LLGL2: variants seen among roughly 807,000 people sequenced by gnomAD.
LLGL2 encodes the protein LLGL scribble cell polarity complex component 2.
Under a neutral mutation model 123.2 loss-of-function variants are expected in LLGL2, and 81 were observed. The observed-to-expected ratio is 0.66, with a 90% confidence interval of 0.55 to 0.79. The LOEUF (loss-of-function observed/expected upper bound fraction) is 0.79. Ranked by LOEUF, LLGL2 falls within the 30% of genes least tolerant of loss-of-function variation. The probability of loss-of-function intolerance (pLI) is 0.00; values close to 1 mark genes in which losing one functional copy is unlikely to be tolerated. For missense variants in LLGL2, 1,273 were observed against 1,414.6 expected (o/e 0.90, Z 1.61); for synonymous variants, 577 against 594.1 (o/e 0.97, Z 0.42).
chr17:75,531,243 G>A (rs919246249), intron 1 of LLGL2, among the ~76,000 whole-genome samples: 6 of 152,188 alleles, frequency 3.9e-5, no homozygotes, highest in Non-Finnish European at 8.8e-5. Context: ...GGAAGACGAA[G>A]TGCTGCCTGG....
Position 75,556,046 on chromosome 17 carries a change from A to G in LLGL2, c.76A>G (p.Thr26Ala), listed in dbSNP as rs2054898296. The change falls in exon 3 of 26, where the codon ACG (threonine) becomes GCG (alanine). Residue 26 changes from threonine to alanine, a missense_variant and splice_region_variant. Transcript: ENST00000392550. ...LKRDLFQFNK[T>A]VEHGFPHQPS... ...CCACCCCACGTGCTTCTCGTTGCAG[A>G]CGGTGGAGCATGGCTTCCCGCACCA... is the stretch of plus-strand genomic sequence containing the variant. The G allele has an allele frequency of 6.2e-7, 1 of 1,608,098 alleles. No individual in the cohort carries two copies. Among genetic ancestry groups the G allele is most frequent in the Non-Finnish European group, 8.5e-7 (1 of 1,179,732 alleles).
intron 1 of LLGL2, 148 bp from the exon 2 acceptor site, chr17:75,543,249 G>A: frequency 5.9e-6 from 3 of 506,518 alleles, no homozygotes; most frequent in Non-Finnish European, 3.5e-6. Flanking sequence ...AAGCCAGGGT[G>A]CATGGGCGGT....
chr17:75,542,325 G>T (rs1233981031), intron 1 of LLGL2, among the ~76,000 whole-genome samples: 3 of 152,102 alleles, frequency 2.0e-5, no homozygotes, highest in Admixed American at 2.0e-4. Context: ...ACACTGGGCT[G>T]CCCTGTCTCT....
At chr17:75,553,244 C>T (rs1157403344) in intron 2 of LLGL2, among the ~76,000 whole-genome samples, 1 of 152,236 alleles carries the variant, frequency 6.6e-6, no homozygotes, top group African/African-American at 2.4e-5. Context: ...CCCTATCTGT[C>T]CCCCTGGCTA....
chr17:75,571,141 G>A, intron 17 of LLGL2, 41 bp downstream of exon 17: 1 of 1,012,076 alleles, frequency 9.9e-7, no homozygotes, highest in Non-Finnish European at 1.5e-6. Context: ...GGGGTAGTGG[G>A]CAGCAGACAC....
intron 2 of LLGL2, among the ~76,000 whole-genome samples, chr17:75,547,170 C>A (rs1171050034): frequency 6.6e-6 from 1 of 152,216 alleles, no homozygotes; most frequent in Non-Finnish European, 1.5e-5. Flanking sequence ...AAGGACATCG[C>A]CCCGGGGGTC....
intron 6 of LLGL2, chr17:75,562,775 G>A (rs751459220): frequency 8.1e-5 from 45 of 555,702 alleles, no homozygotes; most frequent in Non-Finnish European, 1.3e-4. Context: ...TTGCCATGTT[G>A]GCCAGGCTGC....
intron 1 of LLGL2, among the ~76,000 whole-genome samples, chr17:75,533,444 A>G (rs1432899559): frequency 6.6e-6 from 1 of 151,206 alleles, no homozygotes; most frequent in Non-Finnish European, 1.5e-5. Context: ...AGCTGGGACT[A>G]CAGGCGCCCG....
chr17:75,564,736 T>G lies in LLGL2; in HGVS notation c.1036+229T>G. ...AAAATTAGCCAGGTGTTGTGGCACG[T>G]ACCTGTAGTCCTAGCTACTCAGGAG... is the stretch of plus-strand genomic sequence containing the variant. On this transcript the variant is annotated intron_variant, in intron 10 of 25. Transcript: ENST00000392550. This position sits in a 1 kb window ranked among gnomAD's most constrained non-coding sequence, Gnocchi z 4.9. The G allele has an allele frequency of 1.7e-6, 1 of 582,948 alleles. No homozygotes were observed. Among genetic ancestry groups the G allele is most frequent in the Non-Finnish European group, 2.8e-6 (1 of 356,022 alleles). 36.1% of individuals were successfully genotyped at this position (582,948 alleles called of 1,614,324 possible). A position where few individuals can be genotyped will look rare whatever the true frequency, so the allele number is the denominator to read the frequency against.
At chr17:75,532,079 T>TACACACACACACACACACACACACAC (rs1555648021) in intron 1 of LLGL2, among the ~76,000 whole-genome samples, 1 of 27,556 alleles carries the variant, frequency 3.6e-5, no homozygotes, top group African/African-American at 1.0e-4. Context: ...CACACACACT[T>TACACACACACACACACACACACACAC]TTTTTTTTTT....
At chr17:75,573,429 G>A in intron 20 of LLGL2, 52 bp from the exon 21 acceptor site, 1 of 1,584,102 alleles carries the variant, frequency 6.3e-7, no homozygotes, top group African/African-American at 1.3e-5. Flanking sequence ...AGGTGGGGAG[G>A]CAGCCTTGGC....
intron 2 of LLGL2, 80 bp downstream of exon 2, chr17:75,543,581 T>TTAATCCA: frequency 1.8e-6 from 2 of 1,129,852 alleles, no homozygotes; most frequent in Non-Finnish European, 2.6e-6. Flanking sequence ...ACCTCTTACC[T>TTAATCCA]GGATTAAGGT....
At position 75,572,182 on chromosome 17, in the gene LLGL2, C is replaced by T. The variant is rs1320526778; in HGVS notation, c.2460+118C>T. ...TTGTTTGCAGTTGGTGTCTGAGGGG[C>T]TGCAGAAGTACAGGAAATAAGTGAG... On this transcript the variant is annotated intron_variant, in intron 19 of 25. Coordinates refer to ENST00000392550, the MANE Select transcript of LLGL2 (RefSeq NM_001031803.2). 5 of 1,003,994 alleles carry T rather than the reference C, an allele frequency of 5.0e-6. No individual in the cohort carries two copies. The Admixed American group carries it at 6.5e-5, about 13-fold the overall frequency. 62.2% of individuals were successfully genotyped at this position (1,003,994 alleles called of 1,614,324 possible).
chr17:75,564,053 T>C lies in LLGL2; in HGVS notation c.881+247T>C, dbSNP rs1661725. Among the ~76,000 whole-genome samples, 76,303 of 152,136 alleles carry C rather than the reference T, an allele frequency of 0.5. 22,643 individuals carry two copies. The highest frequency in any genetic ancestry group is 0.84 in the African/African-American group (34,967 of 41,512). ...AGAGACGGTACTGAGCAGCAGGTCT[T>C]AAACTCCTTTAGTTGGCAGCCCTGT... On this transcript the variant is annotated intron_variant, in intron 9 of 25. Transcript: ENST00000392550. The surrounding 1 kb of genome is among the most constrained non-coding windows in gnomAD (Gnocchi z 4.9).
chr17:75,559,418 C>A lies in LLGL2; in HGVS notation c.530+8C>A. 1 of 1,595,852 alleles carries A rather than the reference C, an allele frequency of 6.3e-7. No homozygotes were observed. The highest frequency in any genetic ancestry group is 1.1e-5 in the South Asian group (1 of 88,860). ...GGACGCGGTGCTGCAGCGGTGAGCC[C>A]AGAGCCCAGCTGCTGTTAACTCCAT... On this transcript the variant is annotated splice_region_variant and intron_variant, in intron 6 of 25. Coordinates refer to ENST00000392550, the MANE Select transcript of LLGL2 (RefSeq NM_001031803.2). This position sits in a 1 kb window ranked among gnomAD's most constrained non-coding sequence, Gnocchi z 4.6.
intron 14 of LLGL2, 86 bp from the exon 15 acceptor site, chr17:75,569,877 C>T (rs935508096): frequency 7.0e-7 from 1 of 1,418,630 alleles, no homozygotes. Flanking sequence ...TTGGGCCCAG[C>T]TCCTTTGCTG....
At chr17:75,550,456 G>A (rs1290055695) in intron 2 of LLGL2, among the ~76,000 whole-genome samples, 1 of 151,096 alleles carries the variant, frequency 6.6e-6, no homozygotes, top group East Asian at 1.9e-4. Context: ...GGAGTTGGGG[G>A]TGGGATCCAA....
chr17:75,561,506 A>G (rs1201745724), intron 6 of LLGL2, among the ~76,000 whole-genome samples: 2 of 152,232 alleles, frequency 1.3e-5, no homozygotes, highest in East Asian at 1.9e-4. Flanking sequence ...ACACGTCTGC[A>G]GTCTCAGCTA....
intron 1 of LLGL2, among the ~76,000 whole-genome samples, chr17:75,535,928 G>C (rs1429672587): frequency 6.6e-6 from 1 of 152,238 alleles, no homozygotes; most frequent in Non-Finnish European, 1.5e-5. Flanking sequence ...GAAGGAAACA[G>C]GTCGATCAGC....
Sources: allele counts gnomAD v4.1 joint callset (sites outside exome capture counted in the v4.1 genomes callset), GRCh38; gene constraint gnomAD v4.1.1; non-coding constraint Gnocchi (gnomAD v3.1); transcripts MANE v1.5; gene names NCBI Gene and HGNC (gene_info 2026-07-23, HGNC 2026-07-21).